MAPK4: variants seen among roughly 807,000 people sequenced by gnomAD.
The protein encoded by MAPK4 is mitogen-activated protein kinase 4, also known as Erk3-related.
A neutral mutation model predicts 47.7 loss-of-function variants in MAPK4; 22 were observed. That is an observed-to-expected ratio of 0.46 (90% confidence interval 0.33 to 0.66). The LOEUF (loss-of-function observed/expected upper bound fraction) is 0.66, where lower values mean the gene tolerates loss of function less well. MAPK4 is among the 30% of genes least tolerant of loss of function. The probability of loss-of-function intolerance (pLI) is 0.02; values close to 1 mark genes in which losing one functional copy is unlikely to be tolerated. For missense variants in MAPK4, 736 were observed against 831.7 expected (o/e 0.88, Z 1.42); for synonymous variants, 390 against 365.7 (o/e 1.07, Z -0.76).
intron 3 of MAPK4, among the ~76,000 whole-genome samples, chr18:50,716,742 G>C (rs991539924): frequency 6.6e-6 from 1 of 152,076 alleles, no homozygotes; most frequent in East Asian, 1.9e-4. Context: ...TAACCATGCT[G>C]TCTTGGCCTC....
At chr18:50,712,697 T>TTTTCA (rs1910438955) in intron 2 of MAPK4, among the ~76,000 whole-genome samples, 2 of 148,080 alleles carry the variant, frequency 1.4e-5, no homozygotes, top group Non-Finnish European at 3.0e-5. Flanking sequence ...CTGTCCCCAC[T>TTTTCA]GTTCTTTAAC....
chr18:50,568,590 T>C (rs1368690553), intron 1 of MAPK4, among the ~76,000 whole-genome samples: 1 of 152,236 alleles, frequency 6.6e-6, no homozygotes, highest in African/African-American at 2.4e-5. Flanking sequence ...GTTATGTACT[T>C]GGTCTTGGAG....
intron 1 of MAPK4, among the ~76,000 whole-genome samples, chr18:50,563,364 A>G (rs544201808): frequency 1.2e-4 from 18 of 152,330 alleles, no homozygotes; most frequent in African/African-American, 3.8e-4. Flanking sequence ...TACTTTAGGT[A>G]TTTGATAGAT....
intron 1 of MAPK4, among the ~76,000 whole-genome samples, chr18:50,567,165 C>T (rs1050356547): frequency 2.6e-5 from 4 of 151,622 alleles, no homozygotes; most frequent in Non-Finnish European, 4.4e-5. Context: ...TAGGTATACA[C>T]GTGCCATGGT....
chr18:50,618,566 T>C (rs1185753487), intron 1 of MAPK4, among the ~76,000 whole-genome samples: 1 of 152,224 alleles, frequency 6.6e-6, no homozygotes, highest in Non-Finnish European at 1.5e-5. Flanking sequence ...TATTCCTGTA[T>C]TTCAGATAAA....
At chr18:50,623,884 C>A (rs2042753577) in intron 1 of MAPK4, among the ~76,000 whole-genome samples, 1 of 152,246 alleles carries the variant, frequency 6.6e-6, no homozygotes. Context: ...TTGCTGAATA[C>A]ACCAAGTGTG....
At chr18:50,720,999 G>C (rs1263198784) in intron 3 of MAPK4, among the ~76,000 whole-genome samples, 1 of 152,202 alleles carries the variant, frequency 6.6e-6, no homozygotes, top group Non-Finnish European at 1.5e-5. Flanking sequence ...GCAGCTGGAT[G>C]GGCAGGGAAG....
chr18:50,699,457 T>C (rs924374303), intron 2 of MAPK4, among the ~76,000 whole-genome samples: 6 of 152,236 alleles, frequency 3.9e-5, no homozygotes, highest in African/African-American at 1.4e-4. Flanking sequence ...ACCAAATTAG[T>C]GACTTAATAA....
At chr18:50,650,180 A>G (rs1373175419) in intron 1 of MAPK4, among the ~76,000 whole-genome samples, 1 of 152,204 alleles carries the variant, frequency 6.6e-6, no homozygotes, top group Admixed American at 6.5e-5. Flanking sequence ...TGTATGTCCA[A>G]GGCTCCCAGG....
intron 1 of MAPK4, among the ~76,000 whole-genome samples, chr18:50,626,743 A>G (rs979503206): frequency 1.1e-4 from 17 of 152,194 alleles, no homozygotes; most frequent in African/African-American, 2.2e-4. Context: ...GCTTCATCCA[A>G]ATCCTCAGCA....
chr18:50,563,959 A>G (rs535767434), intron 1 of MAPK4, among the ~76,000 whole-genome samples: 2 of 152,322 alleles, frequency 1.3e-5, no homozygotes, highest in Non-Finnish European at 2.9e-5. Flanking sequence ...TGTGTTCACC[A>G]TGAGACAATG....
At chr18:50,615,128 C>A (rs9958610) in intron 1 of MAPK4, among the ~76,000 whole-genome samples, 28,981 of 152,052 alleles carry the variant, frequency 0.19, 2,850 homozygotes, top group Middle Eastern at 0.27. Context: ...GGTGCCCACT[C>A]GCTCGTGCTG....
At chr18:50,573,256 G>C (rs536093993) in intron 1 of MAPK4, among the ~76,000 whole-genome samples, 1 of 152,312 alleles carries the variant, frequency 6.6e-6, no homozygotes, top group South Asian at 2.1e-4. Flanking sequence ...TTAACCTCTA[G>C]ACCAGGGGTC....
chr18:50,577,135 G>C (rs2042304584), intron 1 of MAPK4, among the ~76,000 whole-genome samples: 2 of 152,164 alleles, frequency 1.3e-5, no homozygotes, highest in African/African-American at 2.4e-5. Flanking sequence ...CTGGGGTCTA[G>C]CATGAGGTTT....
intron 1 of MAPK4, among the ~76,000 whole-genome samples, chr18:50,648,380 A>G (rs1272928268): frequency 6.6e-6 from 1 of 152,142 alleles, no homozygotes; most frequent in African/African-American, 2.4e-5. Flanking sequence ...AGGTGCAGGC[A>G]TGACCGTGGG....
In MAPK4 at chr18:50,729,550, C is replaced by G; in HGVS notation, c.1460C>G (p.Ala487Gly). ...ADTGAREDEPASLFLEIAQWV... is the reference protein window; with the variant it reads ...ADTGAREDEPGSLFLEIAQWV... ...ACGGGGGCGCGCGAGGACGAGCCGG[C>G]CAGCCTCTTCCTGGAGATCGCGCAG... is the stretch of plus-strand genomic sequence containing the variant. The change falls in exon 6 of 6, where the codon GCC becomes GGC. Residue 487 changes from alanine (A) to glycine (G), a missense_variant. Coordinates refer to ENST00000400384, the MANE Select transcript of MAPK4 (RefSeq NM_002747.4). The G allele has an allele frequency of 2.1e-6, 3 of 1,427,062 alleles. No homozygotes were observed. The highest frequency in any genetic ancestry group is 2.8e-6 in the Non-Finnish European group (3 of 1,089,852). The allele number at this position is 1,427,062 out of a possible 1,614,324, so 88.4% of individuals were successfully genotyped here. A position where few individuals can be genotyped will look rare whatever the true frequency, so the allele number is the denominator to read the frequency against.
intron 1 of MAPK4, among the ~76,000 whole-genome samples, chr18:50,578,277 G>A (rs779166576): frequency 3.9e-5 from 6 of 152,364 alleles, no homozygotes; most frequent in Middle Eastern, 3.4e-3. Flanking sequence ...AATCTGAGCC[G>A]CTTCTAATGG....
At position 50,729,988 on chromosome 18, in the gene MAPK4, C is replaced by A; in HGVS notation, c.*134C>A. On this transcript the variant is annotated 3_prime_UTR_variant, in exon 6 of 6. Coordinates refer to ENST00000400384, the MANE Select transcript of MAPK4 (RefSeq NM_002747.4). ...CAGAACACGTGAAGGATCCGAGGAGCGAGAGGAATGTCCATTTCTTAAACT... is the reference window on the plus strand; with the variant it reads ...CAGAACACGTGAAGGATCCGAGGAGAGAGAGGAATGTCCATTTCTTAAACT... 2 of 907,370 alleles carry A rather than the reference C, an allele frequency of 2.2e-6. No homozygotes were observed. Among genetic ancestry groups the A allele is most frequent in the South Asian group, 2.1e-5 (1 of 46,708 alleles). The allele number at this position is 907,370 out of a possible 1,614,324, so 56.2% of individuals were successfully genotyped here. A position where few individuals can be genotyped will look rare whatever the true frequency, so the allele number is the denominator to read the frequency against.
intron 1 of MAPK4, among the ~76,000 whole-genome samples, chr18:50,658,466 A>G (rs1331360717): frequency 6.6e-6 from 1 of 152,226 alleles, no homozygotes; most frequent in Non-Finnish European, 1.5e-5. Flanking sequence ...TTGGAGCTCC[A>G]TGGAGGACGA....
Sources: gnomAD v4.1 joint callset for allele counts (sites outside exome capture counted in the v4.1 genomes callset) on GRCh38, gnomAD v4.1.1 for gene constraint, MANE v1.5 for transcripts, NCBI Gene and HGNC (gene_info 2026-07-23, HGNC 2026-07-21) for gene names.